The following PDS5B variants were observed in gnomAD, a reference collection of about 807,000 sequenced individuals.
PDS5B encodes the protein sister chromatid cohesion protein PDS5 homolog B.
PDS5B carries 51 observed loss-of-function variants against 184.1 expected under a neutral mutation model. That is an observed-to-expected ratio of 0.28 (90% CI 0.22 to 0.35). The LOEUF is 0.35. PDS5B is among the 10% of genes least tolerant of loss of function. PDS5B has a pLI of 1.00. For missense variants in PDS5B, 1,180 were observed against 1,723.3 expected, an observed-to-expected ratio of 0.68 and a Z score of 5.58; for synonymous variants, 566 against 569.2, an observed-to-expected ratio of 0.99 and a Z score of 0.08.
intron 1 of PDS5B, among the ~76,000 whole-genome samples, chr13:32,612,467 C>T (rs2058158807): frequency 6.6e-6 from 1 of 152,098 alleles, no homozygotes; most frequent in Non-Finnish European, 1.5e-5. Context: ...AGTATATTGA[C>T]AGAGTTGTAC....
intron 33 of PDS5B, 32 bp from the exon 34 acceptor site, chr13:32,773,157 G>A (rs150338628): frequency 5.1e-6 from 8 of 1,556,070 alleles, no homozygotes; most frequent in East Asian, 2.3e-5. Flanking sequence ...AGATTGGAAC[G>A]TTCATTGTGT....
At position 32,716,842 on chromosome 13, in the gene PDS5B, T is replaced by TG. The variant is rs1240142196; in HGVS notation, c.2123+6742dup. 3.8e-4 allele frequency among the ~76,000 whole-genome samples: 29 copies of TG among 75,412 alleles called. 2 individuals carry two copies. Among genetic ancestry groups the TG allele is most frequent in the African/African-American group, 1.1e-3 (24 of 21,932 alleles). 49.5% of individuals were successfully genotyped at this position (75,412 alleles called of 152,430 possible). A position where few individuals can be genotyped will look rare whatever the true frequency, so the allele number is the denominator to read the frequency against. ...CAGCCGCCCTGTCTGGGAGGGAGGT[T>TG]GGGGGGTCAGCCCCCCGCCCGGCCA... On this transcript the variant is annotated intron_variant, in intron 19 of 34. Coordinates refer to ENST00000315596, the MANE Select transcript of PDS5B (RefSeq NM_015032.4).
At chr13:32,757,945 G>A in intron 26 of PDS5B, 142 bp from the exon 27 acceptor site, 1 of 406,944 alleles carries the variant, frequency 2.5e-6, no homozygotes. Context: ...TTCCCTGCTG[G>A]TTTGTAACTG....
In PDS5B at chr13:32,631,332, G is replaced by T. The variant is rs548030593; in HGVS notation, c.-19-17422G>T. Among the ~76,000 whole-genome samples the T allele has an allele frequency of 2.0e-4, 31 of 151,636 alleles. 1 individual carries two copies. The South Asian group carries it at 3.8e-3, about 18-fold the overall frequency. On this transcript the variant is annotated intron_variant, in intron 1 of 34. Transcript: ENST00000315596. ...GGTCTCAAACTCCTGGGCTCAAGCA[G>T]TCCACCTGCCTTGACCTCCCAAAGT...
intron 3 of PDS5B, among the ~76,000 whole-genome samples, chr13:32,657,622 T>G (rs1426577244): frequency 6.6e-6 from 1 of 152,198 alleles, no homozygotes; most frequent in African/African-American, 2.4e-5. Context: ...AGCTGGTTAT[T>G]ATGCAGACTT....
intron 20 of PDS5B, among the ~76,000 whole-genome samples, chr13:32,732,487 G>T (rs1002594939): frequency 1.3e-5 from 2 of 151,954 alleles, no homozygotes; most frequent in African/African-American, 4.8e-5. Context: ...ACTATTTTTT[G>T]TTAACAGGTA....
intron 19 of PDS5B, among the ~76,000 whole-genome samples, chr13:32,717,698 A>T (rs1403765150): frequency 1.3e-4 from 19 of 149,728 alleles, no homozygotes; most frequent in South Asian, 2.1e-4. Context: ...AAAAAAAAAA[A>T]AAAATAAATA....
intron 3 of PDS5B, among the ~76,000 whole-genome samples, chr13:32,657,952 C>T (rs1163170507): frequency 2.0e-5 from 3 of 152,104 alleles, no homozygotes; most frequent in Admixed American, 2.0e-4. Flanking sequence ...TTTTAGCTAT[C>T]TCACTTTTCA....
intron 21 of PDS5B, among the ~76,000 whole-genome samples, chr13:32,736,405 C>T (rs936969382): frequency 2.0e-5 from 3 of 151,870 alleles, no homozygotes; most frequent in Non-Finnish European, 4.4e-5. Context: ...GTTAAGAATT[C>T]TAGACTGGTG....
At chr13:32,710,481 C>T (rs572379693) in intron 19 of PDS5B, among the ~76,000 whole-genome samples, 35 of 152,256 alleles carry the variant, frequency 2.3e-4, no homozygotes, top group African/African-American at 7.5e-4. Context: ...AAAAAAAAGT[C>T]GGAAGCAGTG....
intron 33 of PDS5B, among the ~76,000 whole-genome samples, chr13:32,772,413 A>G (rs1954819791): frequency 6.6e-6 from 1 of 152,136 alleles, no homozygotes; most frequent in Non-Finnish European, 1.5e-5. Context: ...TGGAGTGAGG[A>G]AGTTTTTTCT....
chr13:32,770,293 A>G lies in PDS5B; in HGVS notation c.3797A>G (p.Glu1266Gly), dbSNP rs1220846731. Residue 1266 changes from glutamate to glycine, a missense_variant, in exon 32 of 35, where the codon GAG (glutamate) becomes GGG (glycine). Transcript: ENST00000315596. ...GAATCTGATGAACAGCAGTGGCCTG[A>G]GGAAAAGAGGCTCAAAGAAGATATA... ...ASESDEQQWP[E>G]EKRLKEDILE... is the part of the protein sequence containing the mutation. 2 of 1,613,972 alleles carry G rather than the reference A, an allele frequency of 1.2e-6. No individual in the cohort carries two copies. The highest frequency in any genetic ancestry group is 2.7e-5 in the African/African-American group (2 of 74,914).
intron 21 of PDS5B, among the ~76,000 whole-genome samples, chr13:32,738,248 A>G (rs1287047024): frequency 6.6e-6 from 1 of 152,198 alleles, no homozygotes; most frequent in Non-Finnish European, 1.5e-5. Flanking sequence ...AGTGAAGTTG[A>G]TGAATCACGG....
intron 17 of PDS5B, among the ~76,000 whole-genome samples, chr13:32,705,715 T>G (rs1951990615): frequency 6.6e-6 from 1 of 152,214 alleles, no homozygotes. Flanking sequence ...GGTCTCACTC[T>G]GCCACCCAGG....
intron 1 of PDS5B, among the ~76,000 whole-genome samples, chr13:32,599,442 T>C (rs1261305514): frequency 1.3e-5 from 2 of 151,640 alleles, no homozygotes; most frequent in African/African-American, 4.8e-5. Context: ...TTTTTCGTAT[T>C]TTTAGTAGAG....
At position 32,760,681 on chromosome 13, in the gene PDS5B, G is replaced by A. The variant is rs1435121344; in HGVS notation, c.3479G>A (p.Ser1160Asn). Residue 1160 changes from serine (S) to asparagine (N), a missense_variant, in exon 30 of 35, where the codon AGC becomes AAC. By Grantham distance (46) the Ser-to-Asn change is conservative. This residue lies in a region of PDS5B where 465 missense variants were observed against 497.8 expected (regional missense o/e 0.93). Coordinates refer to ENST00000315596, the MANE Select transcript of PDS5B (RefSeq NM_015032.4). Reference protein sequence around the residue: ...SRMETVSNASSSSNPSSPGRI... With the variant: ...SRMETVSNASNSSNPSSPGRI... Reference sequence around the variant, plus strand: ...ATGGAAACTGTAAGCAATGCAAGCAGCAGCTCAAATCCAAGCTCTCCTGGA... The same window carrying A: ...ATGGAAACTGTAAGCAATGCAAGCAACAGCTCAAATCCAAGCTCTCCTGGA... 1 of 1,614,000 alleles carries A rather than the reference G, an allele frequency of 6.2e-7. No individual in the cohort carries two copies. The highest frequency in any genetic ancestry group is 2.2e-5 in the East Asian group (1 of 44,850).
chr13:32,619,417 G>A (rs1449808109), intron 1 of PDS5B, among the ~76,000 whole-genome samples: 63 of 152,104 alleles, frequency 4.1e-4, no homozygotes, highest in Non-Finnish European at 1.5e-5. Context: ...AATGGTATTT[G>A]CATATCTAAA....
chr13:32,617,002 C>T (rs1451383585), intron 1 of PDS5B, among the ~76,000 whole-genome samples: 1 of 152,132 alleles, frequency 6.6e-6, no homozygotes, highest in Non-Finnish European at 1.5e-5. Flanking sequence ...TGTAATTCAT[C>T]TATTAATAGT....
intron 8 of PDS5B, among the ~76,000 whole-genome samples, chr13:32,675,566 C>T (rs970761397): frequency 3.3e-5 from 5 of 152,004 alleles, no homozygotes; most frequent in African/African-American, 1.2e-4. Flanking sequence ...TAGAAATAAA[C>T]TTTAATTGTA....
Sources: allele counts gnomAD v4.1 joint callset (sites outside exome capture counted in the v4.1 genomes callset), GRCh38; gene constraint gnomAD v4.1.1; regional missense constraint gnomAD v4.1.1; transcripts MANE v1.5; gene names NCBI Gene and HGNC (gene_info 2026-07-23, HGNC 2026-07-21).